The following NPFFR2 variants were observed in gnomAD, a reference collection of about 807,000 sequenced individuals.
NPFFR2 encodes the protein neuropeptide FF receptor 2.
In NPFFR2, 15 loss-of-function variants were observed where a neutral mutation model predicts 13.1. The ratio of observed to expected loss-of-function variants is 1.15; its 90% CI spans 0.77 to 1.76. The LOEUF (loss-of-function observed/expected upper bound fraction) is 1.76, where lower values mean the gene tolerates loss of function less well. NPFFR2 is among the 40% of genes most tolerant of loss of function. NPFFR2 has a pLI of 0.00. For synonymous variants in NPFFR2, 190 were observed against 175.7 expected, an observed-to-expected ratio of 1.08 and a Z score of -0.65; for missense variants, 572 against 503.5, an observed-to-expected ratio of 1.14 and a Z score of -1.30.
intron 1 of NPFFR2, among the ~76,000 whole-genome samples, chr4:72,053,251 T>C (rs1024767664): frequency 1.3e-5 from 2 of 151,704 alleles, no homozygotes; most frequent in Non-Finnish European, 2.9e-5. Context: ...ACAATACCAA[T>C]TTCAAGCAGA....
At chr4:72,056,111 AAC>A (rs1342180403) in intron 1 of NPFFR2, among the ~76,000 whole-genome samples, 2 of 152,004 alleles carry the variant, frequency 1.3e-5, no homozygotes, top group Non-Finnish European at 2.9e-5. Context: ...TGTGCATGAA[AAC>A]ACCTTCTATT....
chr4:72,137,010 G>A (rs955033530), intron 2 of NPFFR2, among the ~76,000 whole-genome samples: 4 of 152,074 alleles, frequency 2.6e-5, no homozygotes, highest in East Asian at 1.9e-4. Flanking sequence ...TTCAACCAAC[G>A]GCTAGACACA....
chr4:72,111,263 G>A (rs1430258479), intron 1 of NPFFR2, among the ~76,000 whole-genome samples: 1 of 152,002 alleles, frequency 6.6e-6, no homozygotes, highest in African/African-American at 2.4e-5. Context: ...AATTGTGCAG[G>A]CAAATTCAAA....
At chr4:72,099,590 G>C (rs1463690666) in intron 1 of NPFFR2, among the ~76,000 whole-genome samples, 1 of 151,892 alleles carries the variant, frequency 6.6e-6, no homozygotes, top group Non-Finnish European at 1.5e-5. Flanking sequence ...GGGGGAGGAG[G>C]TGCCACAAGC....
chr4:72,128,412 A>T (rs148534200), intron 1 of NPFFR2, among the ~76,000 whole-genome samples, 173 bp from the exon 2 acceptor site: 4 of 152,330 alleles, frequency 2.6e-5, no homozygotes, highest in African/African-American at 9.6e-5. Context: ...TAAAATCCTA[A>T]TAATTTCAGT....
chr4:72,139,514 G>T (rs1049547586), intron 3 of NPFFR2, among the ~76,000 whole-genome samples: 2 of 152,166 alleles, frequency 1.3e-5, no homozygotes, highest in Non-Finnish European at 2.9e-5. Flanking sequence ...ATTAAATGGG[G>T]AATCCTTTCC....
intron 1 of NPFFR2, among the ~76,000 whole-genome samples, chr4:72,100,090 G>T (rs779359090): frequency 6.6e-6 from 1 of 152,138 alleles, no homozygotes; most frequent in Non-Finnish European, 1.5e-5. Context: ...CTGCTACTCA[G>T]TGAATGTATT....
At chr4:72,131,943 T>TAA (rs35231729) in intron 2 of NPFFR2, among the ~76,000 whole-genome samples, 169 of 144,316 alleles carry the variant, frequency 1.2e-3, no homozygotes, top group Admixed American at 2.0e-3. Context: ...CAATAAATGT[T>TAA]AAAAAAAAAA....
chr4:72,052,949 C>T (rs770546413), intron 1 of NPFFR2, among the ~76,000 whole-genome samples: 1 of 151,860 alleles, frequency 6.6e-6, no homozygotes, highest in African/African-American at 2.4e-5. Context: ...CTACCTATGA[C>T]CTAGAACACC....
intron 1 of NPFFR2, among the ~76,000 whole-genome samples, chr4:72,062,192 G>A (rs1286192416): frequency 6.6e-6 from 1 of 151,860 alleles, no homozygotes; most frequent in Non-Finnish European, 1.5e-5. Flanking sequence ...TGTTTAATCA[G>A]CATTGCTTTT....
chr4:72,133,133 G>C (rs1343239305), intron 2 of NPFFR2, among the ~76,000 whole-genome samples: 1 of 152,030 alleles, frequency 6.6e-6, no homozygotes. Flanking sequence ...CATAGTTTTG[G>C]GTTTTACCTT....
chr4:72,064,848 C>T (rs1720020945), intron 1 of NPFFR2, among the ~76,000 whole-genome samples: 1 of 152,164 alleles, frequency 6.6e-6, no homozygotes, highest in Non-Finnish European at 1.5e-5. Flanking sequence ...ACAATGCTAA[C>T]AATGATCACC....
At chr4:72,146,729 C>A in intron 3 of NPFFR2, 1 of 422,268 alleles carries the variant, frequency 2.4e-6, no homozygotes. Flanking sequence ...TTTAGGCATT[C>A]ATGTTCATTA....
At chr4:72,076,860 A>G (rs1156273228) in intron 1 of NPFFR2, among the ~76,000 whole-genome samples, 1 of 152,184 alleles carries the variant, frequency 6.6e-6, no homozygotes, top group Non-Finnish European at 1.5e-5. Context: ...TGTGATCATG[A>G]AAAGTAATTA....
intron 2 of NPFFR2, 46 bp from the exon 3 acceptor site, chr4:72,137,994 T>C (rs1722470041): frequency 7.0e-7 from 1 of 1,424,182 alleles, no homozygotes; most frequent in Admixed American, 1.7e-5. Flanking sequence ...TTCAGTGAGA[T>C]TTTGAAAATA....
chr4:72,065,103 A>C, intron 1 of NPFFR2, among the ~76,000 whole-genome samples: 1 of 152,146 alleles, frequency 6.6e-6, no homozygotes, highest in Non-Finnish European at 1.5e-5. Flanking sequence ...AAAAAAAAAA[A>C]ACAAAGCTTA....
At chr4:72,061,759 A>G (rs1406292765) in intron 1 of NPFFR2, among the ~76,000 whole-genome samples, 2 of 152,040 alleles carry the variant, frequency 1.3e-5, no homozygotes, top group Non-Finnish European at 2.9e-5. Flanking sequence ...GAAGGAAGGA[A>G]ACATCACACA....
At chr4:72,105,485 T>A (rs1374893153) in intron 1 of NPFFR2, among the ~76,000 whole-genome samples, 2 of 152,020 alleles carry the variant, frequency 1.3e-5, no homozygotes, top group Non-Finnish European at 2.9e-5. Flanking sequence ...ATGATCATTT[T>A]AAAAATATAT....
intron 2 of NPFFR2, among the ~76,000 whole-genome samples, chr4:72,133,787 T>A (rs186066460): frequency 6.6e-6 from 1 of 152,252 alleles, no homozygotes; most frequent in East Asian, 1.9e-4. Flanking sequence ...TGAGATTGAG[T>A]TCCTGATTTG....
Sources: gnomAD v4.1 joint callset for allele counts (sites outside exome capture counted in the v4.1 genomes callset) on GRCh38, gnomAD v4.1.1 for gene constraint, MANE v1.5 for transcripts, NCBI Gene and HGNC (gene_info 2026-07-23, HGNC 2026-07-21) for gene names.